GRID1: variants seen among roughly 807,000 people sequenced by gnomAD.
The protein encoded by GRID1 is glutamate receptor ionotropic, delta-1.
Under a neutral mutation model 98.0 loss-of-function variants are expected in GRID1, and 28 were observed. That is an observed-to-expected ratio of 0.29 (90% CI 0.21 to 0.39). The LOEUF is 0.39. GRID1 is among the 10% of genes least tolerant of loss of function. The pLI, the probability that GRID1 is intolerant of heterozygous loss-of-function variation, is 1.00. For missense variants in GRID1, 1,111 were observed against 1,340.5 expected (o/e 0.83, Z 2.67); for synonymous variants, 553 against 538.5 (o/e 1.03, Z -0.37).
intron 2 of GRID1, among the ~76,000 whole-genome samples, chr10:86,289,083 C>T (rs1197446649): frequency 6.6e-6 from 1 of 152,226 alleles, no homozygotes; most frequent in African/African-American, 2.4e-5. Flanking sequence ...GAGCTACACA[C>T]TTGAAAGATG....
intron 2 of GRID1, among the ~76,000 whole-genome samples, chr10:86,268,261 A>C (rs1252370124): frequency 1.3e-5 from 2 of 152,066 alleles, no homozygotes; most frequent in Non-Finnish European, 2.9e-5. Context: ...TGGCCAATAA[A>C]ATGGAAGCCG....
At chr10:85,678,565 G>A (rs1308521469) in intron 12 of GRID1, among the ~76,000 whole-genome samples, 1 of 152,090 alleles carries the variant, frequency 6.6e-6, no homozygotes, top group Non-Finnish European at 1.5e-5. Context: ...TGTGGTCTCT[G>A]CACCATATCT....
At chr10:86,288,855 A>T (rs1372856703) in intron 2 of GRID1, among the ~76,000 whole-genome samples, 2 of 152,162 alleles carry the variant, frequency 1.3e-5, no homozygotes, top group African/African-American at 4.8e-5. Flanking sequence ...AGGCACCAAG[A>T]CACCCCACAC....
chr10:85,854,301 T>C (rs998014410), intron 8 of GRID1, among the ~76,000 whole-genome samples, 195 bp downstream of exon 8: 1 of 152,130 alleles, frequency 6.6e-6, no homozygotes, highest in Non-Finnish European at 1.5e-5. Context: ...GCAATTTCTG[T>C]TTGGAAACCT....
At chr10:85,667,348 C>G (rs541232535) in intron 12 of GRID1, among the ~76,000 whole-genome samples, 2 of 143,220 alleles carry the variant, frequency 1.4e-5, no homozygotes, top group South Asian at 2.2e-4. Flanking sequence ...GAGAGAGAGA[C>G]GAACAATGTC....
At chr10:85,887,381 T>C (rs991674806) in intron 5 of GRID1, among the ~76,000 whole-genome samples, 6 of 152,178 alleles carry the variant, frequency 3.9e-5, no homozygotes, top group African/African-American at 1.2e-4. Context: ...TAAAAACTTA[T>C]GGGGTATGCA....
At chr10:85,636,311 A>G (rs1843040999) in intron 13 of GRID1, among the ~76,000 whole-genome samples, 1 of 152,228 alleles carries the variant, frequency 6.6e-6, no homozygotes, top group Admixed American at 6.5e-5. Context: ...TTACATATTA[A>G]CTGAGTTCAG....
In GRID1 at chr10:86,062,160, T is replaced by C. The variant is rs573147959; in HGVS notation, c.726+76659A>G. Among the ~76,000 whole-genome samples, 7 of 152,292 alleles carry C rather than the reference T, an allele frequency of 4.6e-5. 1 individual carries two copies. Among genetic ancestry groups the C allele is most frequent in the Admixed American group, 2.0e-4 (3 of 15,300 alleles). On this transcript the variant is annotated intron_variant, in intron 4 of 15. Transcript: ENST00000327946. ...GGGCAAAACTTTGTTGTGCTTTGCA[T>C]CTTACCCCCGGCACCTACCTGGGGC...
chr10:86,091,611 C>T (rs911874903), intron 4 of GRID1, among the ~76,000 whole-genome samples: 6 of 152,048 alleles, frequency 3.9e-5, no homozygotes, highest in African/African-American at 9.7e-5. Flanking sequence ...CGCCTAGCAC[C>T]GGTCCCTCTC....
chr10:86,162,578 C>A (rs1845338483), intron 3 of GRID1, among the ~76,000 whole-genome samples: 1 of 152,198 alleles, frequency 6.6e-6, no homozygotes, highest in African/African-American at 2.4e-5. Flanking sequence ...TTCTGCAAAT[C>A]CAACCCTAAA....
At chr10:85,890,202 G>GAAATA (rs1042704924) in intron 5 of GRID1, among the ~76,000 whole-genome samples, 2 of 151,892 alleles carry the variant, frequency 1.3e-5, no homozygotes, top group African/African-American at 4.8e-5. Flanking sequence ...GATGTTAGGA[G>GAAATA]AAATAAATTC....
At chr10:86,013,840 A>G (rs1842948401) in intron 4 of GRID1, among the ~76,000 whole-genome samples, 1 of 152,216 alleles carries the variant, frequency 6.6e-6, no homozygotes, top group Admixed American at 6.5e-5. Flanking sequence ...GGTAGAAAAT[A>G]ACTTGTATGA....
intron 2 of GRID1, among the ~76,000 whole-genome samples, chr10:86,234,019 A>G (rs924485920): frequency 9.9e-5 from 15 of 152,008 alleles, no homozygotes; most frequent in Non-Finnish European, 1.6e-4. Context: ...TGGCTGCACT[A>G]CCTGCTCCAG....
At chr10:86,347,127 T>TACC (rs1848396173) in intron 2 of GRID1, among the ~76,000 whole-genome samples, 2 of 142,402 alleles carry the variant, frequency 1.4e-5, no homozygotes, top group African/African-American at 5.2e-5. Context: ...GCCTGGCCCT[T>TACC]CCCCTCCTTA....
intron 4 of GRID1, among the ~76,000 whole-genome samples, chr10:86,076,498 G>A (rs1046917814): frequency 3.3e-5 from 5 of 152,192 alleles, no homozygotes; most frequent in Non-Finnish European, 7.3e-5. Context: ...AGAAGTGTGT[G>A]CATTGAGAGA....
intron 13 of GRID1, among the ~76,000 whole-genome samples, chr10:85,626,702 T>C (rs1182867141): frequency 3.3e-5 from 5 of 152,176 alleles, no homozygotes; most frequent in African/African-American, 1.2e-4. Context: ...GTCACGTTCA[T>C]TCAATGGCAA....
chr10:86,169,274 G>A (rs951527798), intron 3 of GRID1, among the ~76,000 whole-genome samples: 8 of 152,230 alleles, frequency 5.3e-5, no homozygotes, highest in Non-Finnish European at 1.2e-4. Context: ...GGCAAGTACT[G>A]TTGAGCTTGT....
chr10:85,812,780 C>T (rs985698375), intron 8 of GRID1, among the ~76,000 whole-genome samples: 2 of 150,636 alleles, frequency 1.3e-5, no homozygotes, highest in Non-Finnish European at 3.0e-5. Context: ...TCTTTCACTA[C>T]ATATTTGTGT....
intron 4 of GRID1, among the ~76,000 whole-genome samples, chr10:85,976,351 A>G (rs1564640027): frequency 2.0e-5 from 3 of 152,168 alleles, no homozygotes; most frequent in African/African-American, 4.8e-5. Context: ...TACTAGCATG[A>G]CCTCAAGTCA....
Sources: allele counts gnomAD v4.1 joint callset (sites outside exome capture counted in the v4.1 genomes callset), GRCh38; gene constraint gnomAD v4.1.1; transcripts MANE v1.5; gene names NCBI Gene and HGNC (gene_info 2026-07-23, HGNC 2026-07-21).